Variants in SPAG16 observed in about 807,000 individuals in gnomAD.
SPAG16 encodes the protein sperm-associated antigen 16 protein.
A neutral mutation model predicts 80.4 loss-of-function variants in SPAG16; 86 were observed. That is an observed-to-expected ratio of 1.07 (90% CI 0.90 to 1.28). SPAG16 has a LOEUF of 1.28. Ranked by LOEUF, SPAG16 falls within the 50% of genes most tolerant of loss-of-function variation. SPAG16 has a pLI of 0.00. For missense variants in SPAG16, 870 were observed against 765.3 expected (o/e 1.14, Z -1.61); for synonymous variants, 294 against 265.9 (o/e 1.11, Z -1.03).
intron 7 of SPAG16, among the ~76,000 whole-genome samples, chr2:213,357,497 T>C (rs2065725238): frequency 6.6e-6 from 1 of 152,234 alleles, no homozygotes; most frequent in African/African-American, 2.4e-5. Flanking sequence ...ATTGATCCCT[T>C]TACCATTATG....
At chr2:214,152,661 G>A (rs533886288) in intron 15 of SPAG16, among the ~76,000 whole-genome samples, 10 of 152,096 alleles carry the variant, frequency 6.6e-5, no homozygotes, top group Non-Finnish European at 1.3e-4. Context: ...CCACCAATGC[G>A]CGGAGACCAG....
intron 9 of SPAG16, among the ~76,000 whole-genome samples, chr2:213,391,510 C>T (rs2067750267): frequency 6.6e-6 from 1 of 152,092 alleles, no homozygotes; most frequent in Non-Finnish European, 1.5e-5. Context: ...GGGCACATTA[C>T]CTAATTTCTA....
intron 11 of SPAG16, among the ~76,000 whole-genome samples, chr2:213,906,440 C>T (rs189207333): frequency 6.6e-6 from 1 of 152,154 alleles, no homozygotes; most frequent in Non-Finnish European, 1.5e-5. Flanking sequence ...GGCCGTAATA[C>T]CCAAAGTGAC....
At chr2:213,990,810 A>G (rs1452279462) in intron 12 of SPAG16, among the ~76,000 whole-genome samples, 1 of 152,046 alleles carries the variant, frequency 6.6e-6, no homozygotes, top group East Asian at 1.9e-4. Context: ...TGTTTGCTCA[A>G]TATCTCTAAG....
intron 10 of SPAG16, among the ~76,000 whole-genome samples, chr2:213,533,755 TA>T (rs2076151557): frequency 6.6e-6 from 1 of 152,132 alleles, no homozygotes; most frequent in Admixed American, 6.5e-5. Context: ...ATAATATCTA[TA>T]TAATATCTAT....
intron 15 of SPAG16, among the ~76,000 whole-genome samples, chr2:214,395,176 A>G (rs1452915187): frequency 3.9e-5 from 6 of 152,188 alleles, no homozygotes. Context: ...ACATTCTTGT[A>G]CAAGTTTTTA....
chr2:213,335,557 A>G (rs1304192366), intron 5 of SPAG16, among the ~76,000 whole-genome samples: 4 of 146,494 alleles, frequency 2.7e-5, no homozygotes, highest in Non-Finnish European at 4.7e-5. Context: ...TTCTCAATTT[A>G]TGTTGTCAGC....
In SPAG16 at chr2:214,304,899, G is replaced by A. The variant is rs372043951; in HGVS notation, c.1721-105241G>A. ...TCCTTTGGGTATATACTCAGTAATGGGATTGCTTGGTCAAATGGTATTTCT... is the reference window on the plus strand; with the variant it reads ...TCCTTTGGGTATATACTCAGTAATGAGATTGCTTGGTCAAATGGTATTTCT... On this transcript the variant is annotated intron_variant, in intron 15 of 15. Coordinates refer to ENST00000331683, the MANE Select transcript of SPAG16 (RefSeq NM_024532.5). Among the ~76,000 whole-genome samples the A allele has an allele frequency of 1.1e-4, 16 of 152,228 alleles. No homozygotes were observed. In the East Asian group the frequency reaches 2.7e-3, roughly 26 times the overall value.
chr2:213,956,245 C>A (rs899010115), intron 12 of SPAG16, among the ~76,000 whole-genome samples: 1 of 151,956 alleles, frequency 6.6e-6, no homozygotes, highest in African/African-American at 2.4e-5. Context: ...CATAAGCCAC[C>A]ATGCCAGGCC....
chr2:214,091,575 C>A (rs553732533), intron 13 of SPAG16, among the ~76,000 whole-genome samples: 45 of 152,216 alleles, frequency 3.0e-4, no homozygotes, highest in African/African-American at 9.9e-4. Flanking sequence ...ATAGTAAACA[C>A]TTATTCAGTG....
intron 11 of SPAG16, among the ~76,000 whole-genome samples, chr2:213,873,935 T>C (rs1019833557): frequency 3.3e-5 from 5 of 152,186 alleles, no homozygotes; most frequent in Admixed American, 2.6e-4. Flanking sequence ...ATACAGACTA[T>C]AGCATATTGC....
At chr2:213,956,446 CT>C (rs755475252) in intron 12 of SPAG16, among the ~76,000 whole-genome samples, 2,165 of 112,980 alleles carry the variant, frequency 0.019, 37 homozygotes, top group East Asian at 0.047. Context: ...ATTTTTTTTC[CT>C]TTTTTTTTTT....
chr2:214,247,614 T>C (rs1347309718), intron 15 of SPAG16, among the ~76,000 whole-genome samples: 2 of 152,226 alleles, frequency 1.3e-5, no homozygotes, highest in East Asian at 3.8e-4. Context: ...GAGATGCTTC[T>C]TCTACTCCAA....
intron 15 of SPAG16, among the ~76,000 whole-genome samples, chr2:214,197,666 G>A (rs186109408): frequency 4.9e-4 from 74 of 151,860 alleles, no homozygotes; most frequent in African/African-American, 7.7e-4. Flanking sequence ...TTCTTTTAGA[G>A]GTATTTTCTC....
At position 213,400,635 on chromosome 2, in the gene SPAG16, A is replaced by C. The variant is rs186081877; in HGVS notation, c.942+25516A>C. Among the ~76,000 whole-genome samples, 28 of 152,232 alleles carry C rather than the reference A, an allele frequency of 1.8e-4. 1 individual carries two copies. Among genetic ancestry groups the C allele is most frequent in the Admixed American group, 1.3e-3 (20 of 15,282 alleles). ...TCATGATATAGCTGGGCATATAGTT[A>C]GGTACCTGTATTTTTCAGTATCCTG... On this transcript the variant is annotated intron_variant, in intron 9 of 15. Transcript: ENST00000331683.
chr2:214,032,664 T>TTG (rs1263390351), intron 13 of SPAG16, among the ~76,000 whole-genome samples: 1 of 152,218 alleles, frequency 6.6e-6, no homozygotes, highest in Non-Finnish European at 1.5e-5. Context: ...AAATCACATG[T>TTG]TGTAAGGCCT....
chr2:213,967,923 C>A (rs149667341), intron 12 of SPAG16, among the ~76,000 whole-genome samples: 1 of 152,022 alleles, frequency 6.6e-6, no homozygotes, highest in South Asian at 2.1e-4. Context: ...CTTCCTTTTA[C>A]GATATCAGTG....
chr2:213,646,326 C>T (rs2062824625), intron 10 of SPAG16, among the ~76,000 whole-genome samples: 1 of 152,094 alleles, frequency 6.6e-6, no homozygotes, highest in Admixed American at 6.5e-5. Flanking sequence ...TCTATTCCAC[C>T]ATTTTGCTCT....
At chr2:213,392,638 A>G (rs1469492961) in intron 9 of SPAG16, among the ~76,000 whole-genome samples, 1 of 152,122 alleles carries the variant, frequency 6.6e-6, no homozygotes, top group Admixed American at 6.6e-5. Context: ...CAAGGTCAGG[A>G]GTTCAAGAAT....
Sources: gnomAD v4.1 joint callset for allele counts (sites outside exome capture counted in the v4.1 genomes callset) on GRCh38, gnomAD v4.1.1 for gene constraint, MANE v1.5 for transcripts, NCBI Gene and HGNC (gene_info 2026-07-23, HGNC 2026-07-21) for gene names.